Variants in TMCC1 observed in about 807,000 individuals in gnomAD.
TMCC1 encodes transmembrane and coiled-coil domains protein 1.
In TMCC1, 15 loss-of-function variants were observed where a neutral mutation model predicts 52.4. That is an observed-to-expected ratio of 0.29 (90% CI 0.19 to 0.44). The LOEUF is 0.44. Ranked by LOEUF, TMCC1 falls within the 20% of genes least tolerant of loss-of-function variation. TMCC1 has a pLI of 1.00. For synonymous variants in TMCC1, 279 were observed against 301.9 expected (o/e 0.92, Z 0.79); for missense variants, 503 against 806.0 (o/e 0.62, Z 4.55).
At chr3:129,818,333 GAA>G (rs1379823925) in intron 4 of TMCC1, among the ~76,000 whole-genome samples, 2 of 151,814 alleles carry the variant, frequency 1.3e-5, no homozygotes, top group South Asian at 2.1e-4. Context: ...AATTTTTAAA[GAA>G]AAGTTTTAAA....
At chr3:129,778,372 A>G (rs546898820) in intron 4 of TMCC1, among the ~76,000 whole-genome samples, 1 of 152,316 alleles carries the variant, frequency 6.6e-6, no homozygotes, top group African/African-American at 2.4e-5. Context: ...CAGGAATTCT[A>G]GTTATTATTT....
At chr3:129,811,948 TAA>T (rs538444532) in intron 4 of TMCC1, among the ~76,000 whole-genome samples, 12 of 132,096 alleles carry the variant, frequency 9.1e-5, no homozygotes, top group Admixed American at 1.5e-4. Flanking sequence ...TGCCTCAATT[TAA>T]AAAAAAAAAA....
In TMCC1 at chr3:129,648,896, T is replaced by C. The variant is rs1382960019; in HGVS notation, c.*2585A>G. ...ATGCATGGTTACAAACAGCATTAAA[T>C]GCGTACAACTTCTGGGTCTGGTGAA... On this transcript the variant is annotated 3_prime_UTR_variant, in exon 7 of 7. Transcript: ENST00000393238. 1 of 152,202 alleles carries C rather than the reference T, an allele frequency of 6.6e-6. No individual in the cohort carries two copies. The highest frequency in any genetic ancestry group is 1.5e-5 in the Non-Finnish European group (1 of 68,042). The allele number at this position is 152,202 out of a possible 1,614,324, so 9.4% of individuals were successfully genotyped here.
intron 4 of TMCC1, among the ~76,000 whole-genome samples, chr3:129,822,393 T>C (rs187347771): frequency 5.9e-5 from 9 of 152,220 alleles, no homozygotes; most frequent in Admixed American, 6.5e-5. Flanking sequence ...TGAGCCATGA[T>C]TGCACCACTG....
chr3:129,861,692 G>A (rs1253645584), intron 2 of TMCC1, among the ~76,000 whole-genome samples: 1 of 152,100 alleles, frequency 6.6e-6, no homozygotes, highest in South Asian at 2.1e-4. Context: ...CACCCACTAG[G>A]GTGGTTAAAA....
chr3:129,803,689 C>T (rs1413403972), intron 4 of TMCC1, among the ~76,000 whole-genome samples: 1 of 151,980 alleles, frequency 6.6e-6, no homozygotes, highest in African/African-American at 2.4e-5. Context: ...CTTTAAAGAC[C>T]CAGAGCACAC....
intron 1 of TMCC1, chr3:129,893,258 A>C (rs534029069): frequency 6.6e-6 from 1 of 152,588 alleles, no homozygotes; most frequent in African/African-American, 2.4e-5. Context: ...CAGCGGAATG[A>C]GCCGGGAAAG....
chr3:129,736,576 C>T (rs2050986137), intron 4 of TMCC1, among the ~76,000 whole-genome samples: 1 of 149,274 alleles, frequency 6.7e-6, no homozygotes, highest in South Asian at 2.1e-4. Context: ...GGCTGGAATG[C>T]AATGGCACAA....
At chr3:129,681,079 T>C (rs1560177418) in intron 4 of TMCC1, among the ~76,000 whole-genome samples, 1 of 151,794 alleles carries the variant, frequency 6.6e-6, no homozygotes, top group Non-Finnish European at 1.5e-5. Context: ...TGATGGGGGG[T>C]GGAGACAGAA....
intron 2 of TMCC1, among the ~76,000 whole-genome samples, chr3:129,840,976 T>C (rs2059399748): frequency 1.3e-5 from 2 of 152,108 alleles, no homozygotes. Flanking sequence ...TGGAAAAGTT[T>C]GGAGGGCTCA....
chr3:129,728,797 TGA>T (rs1413209891), intron 4 of TMCC1, among the ~76,000 whole-genome samples: 2 of 152,196 alleles, frequency 1.3e-5, no homozygotes, highest in Admixed American at 6.6e-5. Flanking sequence ...CCTATCTTTC[TGA>T]GAGTGTCACA....
chr3:129,759,412 C>T (rs558511054), intron 4 of TMCC1, among the ~76,000 whole-genome samples: 4 of 151,804 alleles, frequency 2.6e-5, no homozygotes, highest in African/African-American at 9.7e-5. Flanking sequence ...GGACTACAGG[C>T]ATGTGTCACA....
At chr3:129,824,367 C>T (rs1421057202) in intron 4 of TMCC1, among the ~76,000 whole-genome samples, 2 of 152,124 alleles carry the variant, frequency 1.3e-5, no homozygotes, top group Non-Finnish European at 1.5e-5. Flanking sequence ...CAAACAGAAA[C>T]AAACTTTAAG....
intron 4 of TMCC1, among the ~76,000 whole-genome samples, chr3:129,724,410 T>G (rs1222848084): frequency 6.6e-6 from 1 of 152,230 alleles, no homozygotes; most frequent in Non-Finnish European, 1.5e-5. Context: ...TAATTTGATC[T>G]GTATCATAAA....
Position 129,812,741 on chromosome 3 carries a change from T to C in TMCC1, c.576+15062A>G, listed in dbSNP as rs150361478. Among the ~76,000 whole-genome samples, 795 of 152,124 alleles carry C rather than the reference T, an allele frequency of 5.2e-3. 3 individuals carry two copies. The highest frequency in any genetic ancestry group is 8.7e-3 in the Non-Finnish European group (595 of 68,002). ...AAACCTTTGAAGATAACCTAGGAAA[T>C]ACCATCTGGACATAGGACCTGGCAA... On this transcript the variant is annotated intron_variant, in intron 4 of 6. Transcript: ENST00000393238.
At chr3:129,676,298 A>G (rs2088442395) in intron 4 of TMCC1, among the ~76,000 whole-genome samples, 1 of 152,112 alleles carries the variant, frequency 6.6e-6, no homozygotes, top group South Asian at 2.1e-4. Context: ...AGAAAAAGGT[A>G]AAAATCAGTC....
At chr3:129,834,455 G>A (rs532763649) in intron 2 of TMCC1, among the ~76,000 whole-genome samples, 3 of 152,114 alleles carry the variant, frequency 2.0e-5, no homozygotes, top group Admixed American at 2.0e-4. Flanking sequence ...AGACAAGGGG[G>A]TTGTTGAAAC....
chr3:129,683,131 G>T lies in TMCC1; in HGVS notation c.577-11867C>A, dbSNP rs543306033. Among the ~76,000 whole-genome samples, 13 of 152,320 alleles carry T rather than the reference G, an allele frequency of 8.5e-5. No homozygotes were observed. In the East Asian group the frequency reaches 2.1e-3, roughly 25 times the overall value. On this transcript the variant is annotated intron_variant, in intron 4 of 6. Transcript: ENST00000393238. ...ATTACAGGCATGAGCCACTACGCCCGGCCCTTGCCAAAGTTTTTAAGCAGC... is the reference window on the plus strand; with the variant it reads ...ATTACAGGCATGAGCCACTACGCCCTGCCCTTGCCAAAGTTTTTAAGCAGC...
chr3:129,659,381 C>G (rs2086877605), intron 5 of TMCC1, among the ~76,000 whole-genome samples: 1 of 151,934 alleles, frequency 6.6e-6, no homozygotes, highest in South Asian at 2.1e-4. Flanking sequence ...AGGTGTGGGG[C>G]ACCACACCTG....
Sources: allele counts gnomAD v4.1 joint callset (sites outside exome capture counted in the v4.1 genomes callset), GRCh38; gene constraint gnomAD v4.1.1; transcripts MANE v1.5; gene names NCBI Gene and HGNC (gene_info 2026-07-23, HGNC 2026-07-21).